The following UBQLN1 variants were observed in gnomAD, a reference collection of about 807,000 sequenced individuals.
The protein encoded by UBQLN1 is ubiquilin-1.
In UBQLN1, 13 loss-of-function variants were observed where a neutral mutation model predicts 65.4. The ratio of observed to expected loss-of-function variants is 0.20; its 90% CI spans 0.13 to 0.32. UBQLN1 has a LOEUF of 0.32. Ranked by LOEUF, UBQLN1 falls within the 10% of genes least tolerant of loss-of-function variation. The pLI, the probability that UBQLN1 is intolerant of heterozygous loss-of-function variation, is 1.00. For missense variants in UBQLN1, 561 were observed against 724.0 expected (o/e 0.77, Z 2.58); for synonymous variants, 267 against 247.8 (o/e 1.08, Z -0.73).
chr9:83,692,525 C>T (rs1312628113), intron 1 of UBQLN1, among the ~76,000 whole-genome samples: 4 of 152,128 alleles, frequency 2.6e-5, no homozygotes, highest in African/African-American at 7.2e-5. Flanking sequence ...TGACACTATT[C>T]CTCTGCAGAA....
At chr9:83,695,124 A>T (rs375124390) in intron 1 of UBQLN1, among the ~76,000 whole-genome samples, 1 of 152,022 alleles carries the variant, frequency 6.6e-6, no homozygotes, top group Non-Finnish European at 1.5e-5. Flanking sequence ...ATGAACATAT[A>T]AATACCTTTC....
At chr9:83,687,848 C>CA in intron 1 of UBQLN1, among the ~76,000 whole-genome samples, 2 of 152,130 alleles carry the variant, frequency 1.3e-5, no homozygotes, top group Middle Eastern at 6.8e-3. Flanking sequence ...GAAAAATAAC[C>CA]AAAAAAGCAT....
chr9:83,678,116 T>G (rs529272054), intron 5 of UBQLN1, among the ~76,000 whole-genome samples, 155 bp from the exon 6 acceptor site: 12 of 151,578 alleles, frequency 7.9e-5, no homozygotes, highest in African/African-American at 2.7e-4. Flanking sequence ...CCGCCTCCTG[T>G]GTTCACACCA....
chr9:83,703,529 A>T (rs1310552657), intron 1 of UBQLN1, among the ~76,000 whole-genome samples: 2 of 152,150 alleles, frequency 1.3e-5, no homozygotes, highest in Non-Finnish European at 2.9e-5. Flanking sequence ...AAAATCCAAA[A>T]AAAAAGAAAA....
intron 9 of UBQLN1, among the ~76,000 whole-genome samples, chr9:83,664,293 C>G (rs894581023): frequency 6.6e-6 from 1 of 152,070 alleles, no homozygotes. Flanking sequence ...CTGGTGCACA[C>G]CTGTAGTATC....
At chr9:83,688,825 C>T (rs1360333801) in intron 1 of UBQLN1, among the ~76,000 whole-genome samples, 2 of 151,228 alleles carry the variant, frequency 1.3e-5, no homozygotes, top group African/African-American at 2.4e-5. Flanking sequence ...TGCACCATTG[C>T]ACTCCAGCCT....
intron 1 of UBQLN1, among the ~76,000 whole-genome samples, chr9:83,686,662 A>G (rs1011647154): frequency 6.6e-6 from 1 of 152,214 alleles, no homozygotes; most frequent in African/African-American, 2.4e-5. Context: ...TCCATTCCTC[A>G]GACTTCTATC....
At chr9:83,704,697 T>C (rs1333518560) in intron 1 of UBQLN1, among the ~76,000 whole-genome samples, 2 of 151,798 alleles carry the variant, frequency 1.3e-5, no homozygotes, top group African/African-American at 4.8e-5. Flanking sequence ...TGGTGTGGCA[T>C]GCGCCTGTAG....
intron 6 of UBQLN1, among the ~76,000 whole-genome samples, chr9:83,677,430 C>A (rs1035542421): frequency 5.9e-5 from 9 of 152,126 alleles, no homozygotes; most frequent in African/African-American, 2.2e-4. Context: ...GGCATGGTGG[C>A]AGGTGCCTGT....
Position 83,677,863 on chromosome 9 carries a change from T to C in UBQLN1, c.969A>G (p.Pro323=). 1.2e-6 allele frequency: 2 copies of C among 1,614,136 alleles called. No homozygotes were observed. ...AACTCTGGGAAGTCTGTGGAGCCCA[T>C]GGATTGGGTAGTGGATCTCTATTTT... The part of the protein sequence containing the change: ...RTENRDPLPN[P]WAPQTSQSSS... Residue 323 remains proline, a synonymous_variant, in exon 6 of 11, where the codon CCA becomes CCG. Coordinates refer to ENST00000376395, the MANE Select transcript of UBQLN1 (RefSeq NM_013438.5).
chr9:83,688,480 T>C (rs1832074759), intron 1 of UBQLN1, among the ~76,000 whole-genome samples: 1 of 152,186 alleles, frequency 6.6e-6, no homozygotes, highest in Non-Finnish European at 1.5e-5. Context: ...ATATCCCTCG[T>C]TATTCTGAAA....
intron 6 of UBQLN1, among the ~76,000 whole-genome samples, chr9:83,671,872 A>G (rs895488013): frequency 5.9e-5 from 9 of 152,230 alleles, no homozygotes; most frequent in Non-Finnish European, 1.2e-4. Flanking sequence ...TCTAGATGAT[A>G]TCTTCTTCCA....
At chr9:83,703,157 T>C (rs931777507) in intron 1 of UBQLN1, among the ~76,000 whole-genome samples, 50 of 87,002 alleles carry the variant, frequency 5.7e-4, no homozygotes, top group Non-Finnish European at 9.0e-4. Flanking sequence ...TGATGAACAA[T>C]TAACCAAAAA....
chr9:83,676,634 T>C (rs1262493522), intron 6 of UBQLN1, among the ~76,000 whole-genome samples: 3 of 152,218 alleles, frequency 2.0e-5, no homozygotes, highest in Admixed American at 1.3e-4. Context: ...TAAAAGAATA[T>C]ATATCAACTG....
chr9:83,699,831 C>T (rs1197606540), intron 1 of UBQLN1, among the ~76,000 whole-genome samples: 1 of 152,224 alleles, frequency 6.6e-6, no homozygotes, highest in Admixed American at 6.5e-5. Flanking sequence ...ATAGATAACA[C>T]ATAAGCAAAT....
At chr9:83,680,316 G>C (rs1173846160) in intron 3 of UBQLN1, among the ~76,000 whole-genome samples, 1 of 152,012 alleles carries the variant, frequency 6.6e-6, no homozygotes, top group Admixed American at 6.6e-5. Context: ...CCTTGATCCT[G>C]AGTTACTAAA....
chr9:83,665,339 T>C, intron 8 of UBQLN1, 194 bp from the exon 9 acceptor site: 1 of 450,102 alleles, frequency 2.2e-6, no homozygotes, highest in Non-Finnish European at 3.9e-6. Context: ...AAATTATTAC[T>C]TGACCTCCTC....
At chr9:83,662,273 TACACACACACACACACACACACAC>T (rs370539805) in intron 10 of UBQLN1, among the ~76,000 whole-genome samples, 2 of 143,350 alleles carry the variant, frequency 1.4e-5, no homozygotes, top group East Asian at 2.1e-4. Flanking sequence ...CATATACATA[TACACACACACACACACACACACAC>T]ACACACACAC....
At chr9:83,706,717 C>T (rs1832413885) in intron 1 of UBQLN1, among the ~76,000 whole-genome samples, 1 of 152,164 alleles carries the variant, frequency 6.6e-6, no homozygotes, top group Admixed American at 6.5e-5. Context: ...AAGTAATATT[C>T]TGCATTCACT....
Sources: gnomAD v4.1 joint callset for allele counts (sites outside exome capture counted in the v4.1 genomes callset) on GRCh38, gnomAD v4.1.1 for gene constraint, MANE v1.5 for transcripts, NCBI Gene and HGNC (gene_info 2026-07-23, HGNC 2026-07-21) for gene names.